Variants in MGAT4C observed in about 807,000 individuals in gnomAD.
MGAT4C encodes alpha-1,3-mannosyl-glycoprotein 4-beta-N-acetylglucosaminyltransferase C.
A neutral mutation model predicts 40.1 loss-of-function variants in MGAT4C; 19 were observed. The ratio of observed to expected loss-of-function variants is 0.47; its 90% CI spans 0.33 to 0.70. The LOEUF is 0.70. Among genes scored for constraint, MGAT4C ranks in the 30% least tolerant of loss-of-function variants. MGAT4C has a pLI of 0.02. For synonymous variants in MGAT4C, 181 were observed against 187.1 expected (o/e 0.97, Z 0.27); for missense variants, 491 against 563.2 (o/e 0.87, Z 1.30).
At chr12:86,678,529 T>C (rs1280019286) in intron 2 of MGAT4C, among the ~76,000 whole-genome samples, 2 of 151,332 alleles carry the variant, frequency 1.3e-5, no homozygotes, top group Non-Finnish European at 2.9e-5. Context: ...GCTGCACCCA[T>C]TAACTCGTCA....
intron 1 of MGAT4C, among the ~76,000 whole-genome samples, chr12:86,249,377 AG>A (rs1422928252): frequency 1.3e-5 from 2 of 152,162 alleles, no homozygotes; most frequent in Non-Finnish European, 2.9e-5. Context: ...TACCTAGTAA[AG>A]TTAGCGGAAA....
intron 2 of MGAT4C, among the ~76,000 whole-genome samples, chr12:86,655,853 G>C (rs372858565): frequency 3.3e-5 from 5 of 152,150 alleles, no homozygotes; most frequent in African/African-American, 1.2e-4. Flanking sequence ...GAATTAAAAA[G>C]TTTTAGAAGC....
chr12:86,123,299 G>C (rs1467921245), intron 1 of MGAT4C, among the ~76,000 whole-genome samples: 1 of 152,118 alleles, frequency 6.6e-6, no homozygotes, highest in Non-Finnish European at 1.5e-5. Flanking sequence ...TGCTGGGAGT[G>C]ATTTGAAACA....
At chr12:86,584,692 A>G (rs1239739797) in intron 2 of MGAT4C, among the ~76,000 whole-genome samples, 1 of 151,422 alleles carries the variant, frequency 6.6e-6, no homozygotes, top group Non-Finnish European at 1.5e-5. Context: ...TAATGTTTAA[A>G]GATGCTGCTA....
intron 4 of MGAT4C, among the ~76,000 whole-genome samples, chr12:86,318,579 G>C (rs1399658912): frequency 6.6e-6 from 1 of 152,110 alleles, no homozygotes; most frequent in Admixed American, 6.5e-5. Flanking sequence ...TTTGTAGGGT[G>C]AATATTTTTT....
chr12:86,773,667 T>A (rs1951677700), intron 1 of MGAT4C, among the ~76,000 whole-genome samples: 1 of 152,062 alleles, frequency 6.6e-6, no homozygotes, highest in Admixed American at 6.6e-5. Flanking sequence ...ATAATAAATC[T>A]AATAATTTAT....
intron 1 of MGAT4C, among the ~76,000 whole-genome samples, chr12:86,791,551 C>T (rs1426940858): frequency 6.6e-6 from 1 of 151,636 alleles, no homozygotes; most frequent in African/African-American, 2.4e-5. Context: ...ATTTCCTTTG[C>T]ATATTTAGGT....
At chr12:86,107,183 G>A (rs975366283) in intron 1 of MGAT4C, among the ~76,000 whole-genome samples, 9 of 152,174 alleles carry the variant, frequency 5.9e-5, no homozygotes, top group African/African-American at 2.2e-4. Flanking sequence ...CGCATCTTCA[G>A]GTAATTTCAA....
At chr12:86,804,944 A>G (rs1952319443) in intron 1 of MGAT4C, among the ~76,000 whole-genome samples, 2 of 152,042 alleles carry the variant, frequency 1.3e-5, no homozygotes, top group African/African-American at 4.8e-5. Flanking sequence ...TTTAACTGAT[A>G]CATGTATAAA....
chr12:86,389,160 C>T (rs904870723), intron 3 of MGAT4C, among the ~76,000 whole-genome samples: 2 of 152,038 alleles, frequency 1.3e-5, no homozygotes, highest in Admixed American at 6.6e-5. Context: ...AGCCTAGTAC[C>T]CACTAGTTAT....
intron 2 of MGAT4C, among the ~76,000 whole-genome samples, chr12:86,462,743 C>T (rs1957620348): frequency 6.6e-6 from 1 of 152,140 alleles, no homozygotes; most frequent in South Asian, 2.1e-4. Flanking sequence ...AACTTAGAGT[C>T]TGATGTTTGA....
chr12:86,353,504 C>G (rs185077375), intron 3 of MGAT4C, among the ~76,000 whole-genome samples: 1 of 152,268 alleles, frequency 6.6e-6, no homozygotes, highest in Non-Finnish European at 1.5e-5. Context: ...GGAAACTTAT[C>G]TCATTGTGGT....
chr12:86,000,850 C>T lies in MGAT4C; in HGVS notation c.-6-11298G>A, dbSNP rs114919100. The stretch of plus-strand genomic sequence containing the variant: ...TGAAAGTATATGTCTACCAAATCTA[C>T]GATGCCTCATCAACTGCTCCCCAAC... On this transcript the variant is annotated intron_variant, in intron 2 of 4. Transcript: ENST00000611864. Among the ~76,000 whole-genome samples, 244 of 152,228 alleles carry T rather than the reference C, an allele frequency of 1.6e-3. 2 individuals are homozygous for T. Among genetic ancestry groups the T allele is most frequent in the Middle Eastern group, 6.8e-3 (2 of 294 alleles).
At chr12:86,500,165 G>A (rs1440851865) in intron 2 of MGAT4C, among the ~76,000 whole-genome samples, 1 of 151,702 alleles carries the variant, frequency 6.6e-6, no homozygotes, top group East Asian at 1.9e-4. Flanking sequence ...TGTATGTATG[G>A]TGAATATCTA....
chr12:86,452,839 A>G (rs1291986010), intron 2 of MGAT4C, among the ~76,000 whole-genome samples: 1 of 152,138 alleles, frequency 6.6e-6, no homozygotes, highest in East Asian at 1.9e-4. Context: ...TTGTCTATTC[A>G]GACTTTCTGT....
chr12:86,409,871 T>G (rs1163774296), intron 3 of MGAT4C, among the ~76,000 whole-genome samples: 2 of 152,198 alleles, frequency 1.3e-5, no homozygotes, highest in East Asian at 1.9e-4. Flanking sequence ...TTGGCCGATC[T>G]GAGAAATAAA....
intron 1 of MGAT4C, among the ~76,000 whole-genome samples, chr12:86,184,031 T>A (rs1412653882): frequency 6.6e-6 from 1 of 152,184 alleles, no homozygotes; most frequent in Admixed American, 6.6e-5. Flanking sequence ...TATATTCATA[T>A]ACAGATCACA....
chr12:86,243,816 A>G (rs1341495743), intron 1 of MGAT4C, among the ~76,000 whole-genome samples: 1 of 152,212 alleles, frequency 6.6e-6, no homozygotes, highest in Non-Finnish European at 1.5e-5. Context: ...TAAAAGACCT[A>G]TCCAAGCTGT....
chr12:86,675,566 G>T (rs892973263), intron 2 of MGAT4C, among the ~76,000 whole-genome samples: 2 of 152,138 alleles, frequency 1.3e-5, no homozygotes, highest in Non-Finnish European at 2.9e-5. Context: ...CCAGACCAGT[G>T]GTTCTCAACT....
Sources: gnomAD v4.1 joint callset for allele counts (sites outside exome capture counted in the v4.1 genomes callset) on GRCh38, gnomAD v4.1.1 for gene constraint, MANE v1.5 for transcripts, NCBI Gene and HGNC (gene_info 2026-07-23, HGNC 2026-07-21) for gene names.